Variants in SH3PXD2B observed in about 807,000 individuals in gnomAD.
SH3PXD2B encodes SH3 and PX domain-containing protein 2B.
In SH3PXD2B, 37 loss-of-function variants were observed where a neutral mutation model predicts 73.1. The ratio of observed to expected loss-of-function variants is 0.51; its 90% CI spans 0.39 to 0.67. SH3PXD2B has a LOEUF of 0.67. SH3PXD2B is among the 30% of genes least tolerant of loss of function. The pLI, the probability that SH3PXD2B is intolerant of heterozygous loss-of-function variation, is 0.00. For missense variants in SH3PXD2B, 1,053 were observed against 1,197.8 expected, an observed-to-expected ratio of 0.88 and a Z score of 1.78; for synonymous variants, 457 against 480.5, an observed-to-expected ratio of 0.95 and a Z score of 0.64.
At chr5:172,369,414 T>C (rs1226060493) in intron 6 of SH3PXD2B, among the ~76,000 whole-genome samples, 2 of 152,134 alleles carry the variant, frequency 1.3e-5, no homozygotes, top group Non-Finnish European at 2.9e-5. Flanking sequence ...ACCCCTGGCC[T>C]AGAACATGGG....
In SH3PXD2B at chr5:172,380,623, C is replaced by T. The variant is rs116515407; in HGVS notation, c.401+1413G>A. Among the ~76,000 whole-genome samples the T allele has an allele frequency of 6.0e-3, 918 of 152,256 alleles. 10 individuals carry two copies. Among genetic ancestry groups the T allele is most frequent in the African/African-American group, 0.021 (869 of 41,542 alleles). ...GAACAAAAACATTAGCCAGCACGAG[C>T]GAAACACCCCAAATTATCAGATTTA... On this transcript the variant is annotated intron_variant, in intron 5 of 12. Transcript: ENST00000311601.
rs2731722 is a variant in SH3PXD2B at position 172,381,926 on chromosome 5, C to T, written c.401+110G>A. On this transcript the variant is annotated intron_variant, in intron 5 of 12. Transcript: ENST00000311601. Reference sequence around the variant, plus strand: ...AGTGAAGTGCGGTCTCACAGGGGCTCAGCCGACGAAACCCACTTTTGGCTG... The same window carrying T: ...AGTGAAGTGCGGTCTCACAGGGGCTTAGCCGACGAAACCCACTTTTGGCTG... 0.35 allele frequency: 264,761 copies of T among 765,806 alleles called. 48,987 individuals are homozygous for T. Among genetic ancestry groups the T allele is most frequent in the East Asian group, 0.65 (23,656 of 36,426 alleles). 47.4% of individuals were successfully genotyped at this position (765,806 alleles called of 1,614,324 possible). A position where few individuals can be genotyped will look rare whatever the true frequency, so the allele number is the denominator to read the frequency against.
chr5:172,342,210 C>G (rs1185784731), intron 12 of SH3PXD2B, among the ~76,000 whole-genome samples: 1 of 152,114 alleles, frequency 6.6e-6, no homozygotes, highest in Non-Finnish European at 1.5e-5. Context: ...TTTAAGCCAC[C>G]CAGTCTGGTA....
chr5:172,434,725 C>T (rs2569218), intron 1 of SH3PXD2B, among the ~76,000 whole-genome samples: 62,385 of 151,452 alleles, frequency 0.41, 13,116 homozygotes, highest in African/African-American at 0.48. Flanking sequence ...CTGGGGCTGC[C>T]GCACTGGTCC....
intron 1 of SH3PXD2B, among the ~76,000 whole-genome samples, chr5:172,434,722 T>G (rs1431043357): frequency 6.6e-6 from 1 of 152,004 alleles, no homozygotes; most frequent in African/African-American, 2.4e-5. Context: ...GGGCTGGGGC[T>G]GCCGCACTGG....
rs73327344 is a variant in SH3PXD2B at position 172,443,201 on chromosome 5, C to T, written c.75+11077G>A. ...TTGGAAATAGTAAGGAGTATAGATG[C>T]TCTCCAGGCATCCACGCAACGACTG... On this transcript the variant is annotated intron_variant, in intron 1 of 12. Coordinates refer to ENST00000311601, the MANE Select transcript of SH3PXD2B (RefSeq NM_001017995.3). 1.8e-3 allele frequency among the ~76,000 whole-genome samples: 267 copies of T among 152,268 alleles called. 1 individual carries two copies. The highest frequency in any genetic ancestry group is 6.3e-3 in the African/African-American group (262 of 41,550).
intron 3 of SH3PXD2B, among the ~76,000 whole-genome samples, chr5:172,404,869 T>C (rs1487997828): frequency 2.6e-5 from 4 of 152,182 alleles, no homozygotes; most frequent in Non-Finnish European, 5.9e-5. Flanking sequence ...GGCACAAATT[T>C]TGGAGCCAGC....
chr5:172,332,779 G>A (rs2113225836), downstream of SH3PXD2B, among the ~76,000 whole-genome samples: 1 of 152,154 alleles, frequency 6.6e-6, no homozygotes, highest in South Asian at 2.1e-4. Flanking sequence ...TGGGAACAAG[G>A]AGGCTCCACA....
At chr5:172,368,891 A>AC (rs1368764754) in intron 6 of SH3PXD2B, among the ~76,000 whole-genome samples, 1 of 133,182 alleles carries the variant, frequency 7.5e-6, no homozygotes, top group African/African-American at 2.9e-5. Flanking sequence ...TATAAAAAAA[A>AC]ATATATATAT....
rs115844418 is a variant in SH3PXD2B, at chr5:172,358,170, C to T, written c.667+603G>A. Among the ~76,000 whole-genome samples the T allele has an allele frequency of 5.7e-3, 875 of 152,336 alleles. 8 individuals carry two copies. Among genetic ancestry groups the T allele is most frequent in the African/African-American group, 0.02 (828 of 41,578 alleles). On this transcript the variant is annotated intron_variant, in intron 8 of 12. Transcript: ENST00000311601. ...GGTGTGTCTGATTCCTAAGCCCCTGCTGATGAGTGAAGTGAACTCACTAAC... is the reference window on the plus strand; with the variant it reads ...GGTGTGTCTGATTCCTAAGCCCCTGTTGATGAGTGAAGTGAACTCACTAAC...
At chr5:172,362,605 G>A (rs1035556095) in intron 7 of SH3PXD2B, 130 bp downstream of exon 7, 25 of 1,300,002 alleles carry the variant, frequency 1.9e-5, no homozygotes, top group Non-Finnish European at 1.0e-5. Flanking sequence ...CTTTCTAGGA[G>A]ACCCTCAGCA....
downstream of SH3PXD2B, among the ~76,000 whole-genome samples, chr5:172,328,699 G>A (rs1475513824): frequency 2.0e-5 from 3 of 152,026 alleles, no homozygotes; most frequent in Non-Finnish European, 4.4e-5. Context: ...ATTAAGACAC[G>A]CTCACTGACC....
intron 1 of SH3PXD2B, among the ~76,000 whole-genome samples, chr5:172,431,690 G>GCACACACACA (rs60568854): frequency 3.3e-5 from 5 of 151,658 alleles, no homozygotes; most frequent in Admixed American, 6.6e-5. Flanking sequence ...GACACCCATT[G>GCACACACACA]CACACACACA....
chr5:172,393,823 G>T (rs1386254579), intron 4 of SH3PXD2B, among the ~76,000 whole-genome samples: 1 of 152,186 alleles, frequency 6.6e-6, no homozygotes, highest in Non-Finnish European at 1.5e-5. Context: ...CAGGTCTCTT[G>T]TTGTTTAGGA....
In SH3PXD2B at chr5:172,387,082, T is replaced by C. The variant is rs772049104; in HGVS notation, c.310-4955A>G. ...AGAAAAATATGAATAATAATATAGG[T>C]GGGTGGTGTATGACAGAATTCCAGA... On this transcript the variant is annotated intron_variant, in intron 4 of 12. Transcript: ENST00000311601. Among the ~76,000 whole-genome samples, 138 of 152,174 alleles carry C rather than the reference T, an allele frequency of 9.1e-4. 1 individual carries two copies. The highest frequency in any genetic ancestry group is 3.4e-3 in the Middle Eastern group (1 of 294).
At chr5:172,430,868 C>CT (rs5873323) in intron 1 of SH3PXD2B, among the ~76,000 whole-genome samples, 25 of 149,590 alleles carry the variant, frequency 1.7e-4, no homozygotes, top group South Asian at 6.4e-4. Flanking sequence ...TTCTTTCTTT[C>CT]TTTTTTTTTT....
At chr5:172,387,237 C>A (rs558082672) in intron 4 of SH3PXD2B, among the ~76,000 whole-genome samples, 1 of 152,204 alleles carries the variant, frequency 6.6e-6, no homozygotes, top group Non-Finnish European at 1.5e-5. Context: ...TAAGCTACAC[C>A]GTATGATGCT....
At chr5:172,422,121 A>C (rs1199016104) in intron 2 of SH3PXD2B, among the ~76,000 whole-genome samples, 1 of 151,606 alleles carries the variant, frequency 6.6e-6, no homozygotes, top group Non-Finnish European at 1.5e-5. Flanking sequence ...CAGCCTTCCG[A>C]GTAGCTGGGA....
At chr5:172,385,575 G>A (rs1458231175) in intron 4 of SH3PXD2B, among the ~76,000 whole-genome samples, 1 of 152,230 alleles carries the variant, frequency 6.6e-6, no homozygotes, top group Non-Finnish European at 1.5e-5. Flanking sequence ...GCCCGGAGCT[G>A]GCCATGTGTC....
Sources: gnomAD v4.1 joint callset for allele counts (sites outside exome capture counted in the v4.1 genomes callset) on GRCh38, gnomAD v4.1.1 for gene constraint, MANE v1.5 for transcripts, NCBI Gene and HGNC (gene_info 2026-07-23, HGNC 2026-07-21) for gene names.